Variants in HECW1 observed in about 807,000 individuals in gnomAD.
The protein encoded by HECW1 is HECT, C2 and WW domain containing E3 ubiquitin protein ligase 1, also known as E3 ubiquitin-protein ligase HECW1.
In HECW1, 61 loss-of-function variants were observed where a neutral mutation model predicts 182.3. The ratio of observed to expected loss-of-function variants is 0.33; its 90% CI spans 0.27 to 0.41. The LOEUF is 0.41. HECW1 is among the 10% of genes least tolerant of loss of function. The pLI is 1.00. For missense variants in HECW1, 1,739 were observed against 2,108.9 expected (o/e 0.82, Z 3.44); for synonymous variants, 859 against 832.6 (o/e 1.03, Z -0.55).
intron 26 of HECW1, among the ~76,000 whole-genome samples, chr7:43,546,335 G>A (rs1302552304): frequency 6.8e-6 from 1 of 147,370 alleles, no homozygotes; most frequent in Non-Finnish European, 1.5e-5. Context: ...GTTCTCTCCA[G>A]CAGAAATTTA....
chr7:43,140,400 T>C (rs1156978924), intron 2 of HECW1, among the ~76,000 whole-genome samples: 1 of 152,142 alleles, frequency 6.6e-6, no homozygotes, highest in Non-Finnish European at 1.5e-5. Flanking sequence ...TCTTTTCTTG[T>C]CAGTTCTCCA....
intron 2 of HECW1, among the ~76,000 whole-genome samples, chr7:43,158,162 A>G (rs577635581): frequency 1.8e-3 from 277 of 152,314 alleles, no homozygotes; most frequent in African/African-American, 6.3e-3. Flanking sequence ...TACTTACTAC[A>G]TTTTCTCTTC....
chr7:43,215,156 A>G (rs1356251622), intron 2 of HECW1, among the ~76,000 whole-genome samples: 20 of 152,272 alleles, frequency 1.3e-4, no homozygotes, highest in Non-Finnish European at 1.5e-5. Flanking sequence ...CAGCTAAACT[A>G]TACAATATTT....
intron 11 of HECW1, among the ~76,000 whole-genome samples, chr7:43,450,490 G>A (rs2077195570): frequency 6.6e-6 from 1 of 152,116 alleles, no homozygotes; most frequent in South Asian, 2.1e-4. Flanking sequence ...CCTCCACTGG[G>A]CTAAAATCAG....
At chr7:43,555,662 G>T (rs532687088) in intron 29 of HECW1, among the ~76,000 whole-genome samples, 48 of 152,306 alleles carry the variant, frequency 3.2e-4, no homozygotes, top group African/African-American at 1.1e-3. Context: ...TTTCACCTAG[G>T]TTTCCCAGAT....
intron 13 of HECW1, among the ~76,000 whole-genome samples, chr7:43,457,339 T>C (rs536309853): frequency 1.2e-4 from 18 of 152,236 alleles, no homozygotes; most frequent in African/African-American, 4.1e-4. Flanking sequence ...ATGAAAAGTA[T>C]GAAGGTGAAG....
At chr7:43,419,283 G>A (rs1474489090) in intron 8 of HECW1, among the ~76,000 whole-genome samples, 1 of 152,216 alleles carries the variant, frequency 6.6e-6, no homozygotes, top group Non-Finnish European at 1.5e-5. Flanking sequence ...AGATCCCACT[G>A]TGAAGAATTC....
chr7:43,526,055 A>G (rs2080744708), intron 24 of HECW1, among the ~76,000 whole-genome samples: 1 of 152,230 alleles, frequency 6.6e-6, no homozygotes, highest in African/African-American at 2.4e-5. Flanking sequence ...CACAAGCCTC[A>G]ATATTATACT....
chr7:43,415,591 G>A (rs924160473), intron 8 of HECW1, among the ~76,000 whole-genome samples: 3 of 151,018 alleles, frequency 2.0e-5, no homozygotes, highest in African/African-American at 7.3e-5. Context: ...GCTAGATTGG[G>A]GAAGTTCTCC....
At chr7:43,353,237 C>T (rs541546190) in intron 5 of HECW1, among the ~76,000 whole-genome samples, 5 of 151,972 alleles carry the variant, frequency 3.3e-5, no homozygotes, top group East Asian at 1.9e-4. Context: ...TAAGAAGAAA[C>T]GTTAATGATT....
intron 7 of HECW1, among the ~76,000 whole-genome samples, chr7:43,405,588 G>T (rs942781868): frequency 6.6e-6 from 1 of 152,254 alleles, no homozygotes; most frequent in Admixed American, 6.5e-5. Flanking sequence ...CTAGATGGCT[G>T]GTTGGGGGAC....
chr7:43,395,739 A>G (rs2152837347), intron 6 of HECW1, among the ~76,000 whole-genome samples: 1 of 152,338 alleles, frequency 6.6e-6, no homozygotes, highest in South Asian at 2.1e-4. Context: ...CACCTGCTTC[A>G]GTGTGAAAAG....
intron 2 of HECW1, among the ~76,000 whole-genome samples, chr7:43,181,067 T>TTTTTTTTTTTTTTTTTTTTGAG (rs1562640505): frequency 6.6e-6 from 1 of 151,388 alleles, no homozygotes; most frequent in African/African-American, 2.5e-5. Context: ...ATCAACTTTT[T>TTTTTTTTTTTTTTTTTTTTGAG]AAGATTCCAC....
intron 5 of HECW1, among the ~76,000 whole-genome samples, chr7:43,343,406 C>T (rs150437603): frequency 6.6e-6 from 1 of 151,692 alleles, no homozygotes; most frequent in East Asian, 1.9e-4. Context: ...TCTCCTAATG[C>T]TATCCCTCAC....
intron 2 of HECW1, among the ~76,000 whole-genome samples, chr7:43,174,649 C>CT (rs547100588): frequency 2.0e-5 from 3 of 151,976 alleles, no homozygotes; most frequent in Non-Finnish European, 4.4e-5. Context: ...ATCTTAGTAG[C>CT]TTTTTTTTCT....
chr7:43,283,417 A>G (rs572195617), intron 3 of HECW1, among the ~76,000 whole-genome samples: 115 of 152,220 alleles, frequency 7.6e-4, no homozygotes, highest in Non-Finnish European at 1.4e-3. Context: ...GAAATGTTAA[A>G]TGATGCCATA....
At chr7:43,414,257 A>G (rs372511922) in intron 8 of HECW1, among the ~76,000 whole-genome samples, 1 of 148,566 alleles carries the variant, frequency 6.7e-6, no homozygotes, top group Non-Finnish European at 1.5e-5. Flanking sequence ...CTCTCTGTTT[A>G]TCTGTTGTTG....
At chr7:43,161,716 GTC>G (rs61339934) in intron 2 of HECW1, 81,266 of 151,898 alleles carry the variant, frequency 0.54, 22,286 homozygotes, top group Non-Finnish European at 0.58. Flanking sequence ...AACTTCCAAG[GTC>G]TCTGTATCAC....
intron 2 of HECW1, among the ~76,000 whole-genome samples, chr7:43,191,969 T>C (rs1793956106): frequency 6.6e-6 from 1 of 151,804 alleles, no homozygotes; most frequent in Non-Finnish European, 1.5e-5. Flanking sequence ...TTTTTCTTTT[T>C]TTTTTTTGAG....
Sources: allele counts gnomAD v4.1 joint callset (sites outside exome capture counted in the v4.1 genomes callset), GRCh38; gene constraint gnomAD v4.1.1; transcripts MANE v1.5; gene names NCBI Gene and HGNC (gene_info 2026-07-23, HGNC 2026-07-21).